Variants in ELN observed in about 807,000 individuals in gnomAD.
ELN encodes the protein tropoelastin.
A neutral mutation model predicts 105.8 loss-of-function variants in ELN; 65 were observed. That is an observed-to-expected ratio of 0.61 (90% CI 0.50 to 0.75). The LOEUF (loss-of-function observed/expected upper bound fraction) is 0.75, where lower values mean the gene tolerates loss of function less well. Ranked by LOEUF, ELN falls within the 30% of genes least tolerant of loss-of-function variation. The pLI is 0.00. For missense variants in ELN, 882 were observed against 969.4 expected (o/e 0.91, Z 1.20); for synonymous variants, 368 against 389.2 (o/e 0.95, Z 0.64).
At chr7:74,057,311 C>T in intron 21 of ELN, 1 of 1,250,052 alleles carries the variant, frequency 8.0e-7, no homozygotes, top group East Asian at 2.7e-5. Flanking sequence ...CTCCGATTCT[C>T]CCACCCACCC....
intron 18 of ELN, among the ~76,000 whole-genome samples, chr7:74,054,211 T>G (rs1198161513): frequency 6.6e-6 from 1 of 152,090 alleles, no homozygotes; most frequent in African/African-American, 2.4e-5. Flanking sequence ...CTCACGCCTA[T>G]AATCTCAGCA....
Position 74,069,156 on chromosome 7 carries a change from T to G in ELN, c.*456T>G. 3.5e-6 allele frequency: 1 copy of G among 283,304 alleles called. No individual in the cohort carries two copies. The highest frequency in any genetic ancestry group is 7.8e-5 in the South Asian group (1 of 12,800). 17.5% of individuals were successfully genotyped at this position (283,304 alleles called of 1,614,324 possible). On this transcript the variant is annotated 3_prime_UTR_variant, in exon 33 of 33. Coordinates refer to ENST00000252034, the MANE Select transcript of ELN (RefSeq NM_000501.4). ...CACCAGGACCCACCGTTGGCTGCCA[T>G]CCAGTTGGTACCCAAGCACCTGAAG...
intron 15 of ELN, among the ~76,000 whole-genome samples, chr7:74,050,584 C>CCCATCCAT (rs1793814711): frequency 6.6e-6 from 1 of 151,724 alleles, no homozygotes; most frequent in Non-Finnish European, 1.5e-5. Context: ...CATCCATGCA[C>CCCATCCAT]CCATCCATCC....
At chr7:74,067,720 G>A (rs1300430087) in intron 32 of ELN, among the ~76,000 whole-genome samples, 2 of 147,588 alleles carry the variant, frequency 1.4e-5, no homozygotes, top group South Asian at 2.2e-4. Flanking sequence ...CCGAGATTGC[G>A]CCACTGCACT....
intron 32 of ELN, among the ~76,000 whole-genome samples, chr7:74,067,933 CAAAAAAAAAAAAAAA>C (rs782107951): frequency 1.0e-4 from 2 of 19,904 alleles, no homozygotes; most frequent in South Asian, 4.1e-3. Flanking sequence ...GATTGCGTCT[CAAAAAAAAAAAAAAA>C]AAAAAAAAAA....
At chr7:74,066,805 T>C in intron 32 of ELN, 29 bp downstream of exon 32, 1 of 1,575,588 alleles carries the variant, frequency 6.3e-7, no homozygotes, top group Non-Finnish European at 8.7e-7. Flanking sequence ...CCCTGGGCCC[T>C]GCCCTGGAGC....
chr7:74,052,120 C>T (rs1040381279), intron 17 of ELN, 137 bp downstream of exon 17: 10 of 923,516 alleles, frequency 1.1e-5, no homozygotes, highest in Non-Finnish European at 1.7e-5. Flanking sequence ...ACCTTTGCCC[C>T]TTCTGATCAC....
chr7:74,059,743 G>A (rs1796174697), intron 22 of ELN, 143 bp from the exon 23 acceptor site: 1 of 763,884 alleles, frequency 1.3e-6, no homozygotes, highest in African/African-American at 1.7e-5. Context: ...GGAGGAGGAA[G>A]CTGAGGCCCA....
At chr7:74,029,853 A>T (rs1208937897) in intron 1 of ELN, among the ~76,000 whole-genome samples, 5 of 152,182 alleles carry the variant, frequency 3.3e-5, no homozygotes, top group African/African-American at 1.2e-4. Context: ...TCACTTGACA[A>T]ACAAGGAAGC....
intron 17 of ELN, 145 bp downstream of exon 17, chr7:74,052,128 C>T (rs921886448): frequency 4.7e-5 from 42 of 890,674 alleles, no homozygotes; most frequent in African/African-American, 5.0e-5. Flanking sequence ...CCCTTCTGAT[C>T]ACTCTACCTG....
intron 4 of ELN, chr7:74,038,037 T>C (rs1309725899): frequency 4.5e-6 from 2 of 441,474 alleles, no homozygotes; most frequent in Admixed American, 3.5e-5. Flanking sequence ...GACTCCTCTC[T>C]GCAAAGGAGA....
At chr7:74,045,993 C>G in intron 10 of ELN, 195 bp from the exon 11 acceptor site, 1 of 689,874 alleles carries the variant, frequency 1.4e-6, no homozygotes, top group Non-Finnish European at 2.4e-6. Context: ...TGAGATCACC[C>G]CATTCCACCC....
intron 21 of ELN, 114 bp downstream of exon 21, chr7:74,056,827 G>A: frequency 7.3e-7 from 1 of 1,372,198 alleles, no homozygotes. Flanking sequence ...CTGGACCAAG[G>A]TCACGAGGCC....
At position 74,051,744 on chromosome 7, in the gene ELN, C is replaced by T; in HGVS notation, c.800-6C>T. 6.2e-7 allele frequency: 1 copy of T among 1,614,192 alleles called. No homozygotes were observed. Among genetic ancestry groups the T allele is most frequent in the Non-Finnish European group, 8.5e-7 (1 of 1,180,032 alleles). On this transcript the variant is annotated splice_polypyrimidine_tract_variant and splice_region_variant and intron_variant, in intron 15 of 32. Coordinates refer to ENST00000252034, the MANE Select transcript of ELN (RefSeq NM_000501.4). ...AAACTACATTGCACTGTCCCCATCT[C>T]AACAGGTGCTGGAGCAGCCGGAGTC...
At chr7:74,054,415 A>G (rs146141606) in intron 18 of ELN, among the ~76,000 whole-genome samples, 155 of 151,034 alleles carry the variant, frequency 1.0e-3, no homozygotes, top group African/African-American at 3.7e-3. Context: ...GATTGCAGTG[A>G]GCTGAGATCG....
chr7:74,061,399 C>T (rs988747887), intron 26 of ELN, among the ~76,000 whole-genome samples: 20 of 152,170 alleles, frequency 1.3e-4, no homozygotes, highest in Non-Finnish European at 1.6e-4. Flanking sequence ...CACCTGTAAT[C>T]CCAGCACTTT....
Position 74,037,774 on chromosome 7 carries a change from C to T in ELN, c.196+35C>T, listed in dbSNP as rs781847678. On this transcript the variant is annotated intron_variant, in intron 4 of 32. Transcript: ENST00000252034. Reference sequence around the variant, plus strand: ...AAGGCCTCGGAGCATTGAGAGACAGCGAGGGAGCTGGGGAGGGAGGAGCCT... The same window carrying T: ...AAGGCCTCGGAGCATTGAGAGACAGTGAGGGAGCTGGGGAGGGAGGAGCCT... 41 of 1,606,064 alleles carry T rather than the reference C, an allele frequency of 2.6e-5. No homozygotes were observed. In the South Asian group the frequency reaches 3.5e-4, roughly 14 times the overall value.
intron 1 of ELN, 91 bp from the exon 2 acceptor site, chr7:74,035,273 C>A: frequency 7.7e-7 from 1 of 1,299,346 alleles, no homozygotes; most frequent in South Asian, 1.2e-5. Context: ...TGGGTTTTGC[C>A]ATTGAAAGTA....
chr7:74,053,738 G>A (rs1794639875), intron 18 of ELN, among the ~76,000 whole-genome samples: 1 of 151,748 alleles, frequency 6.6e-6, no homozygotes, highest in Non-Finnish European at 1.5e-5. Context: ...GTGGATGGAT[G>A]GATGGGTGGA....
Sources: allele counts gnomAD v4.1 joint callset (sites outside exome capture counted in the v4.1 genomes callset), GRCh38; gene constraint gnomAD v4.1.1; transcripts MANE v1.5; gene names NCBI Gene and HGNC (gene_info 2026-07-23, HGNC 2026-07-21).